The following CD22 variants were observed in gnomAD, a reference collection of about 807,000 sequenced individuals.
The protein encoded by CD22 is B-cell receptor CD22.
A neutral mutation model predicts 94.7 loss-of-function variants in CD22; 51 were observed. That is an observed-to-expected ratio of 0.54 (90% CI 0.43 to 0.68). The LOEUF (loss-of-function observed/expected upper bound fraction) is 0.68. Ranked by LOEUF, CD22 falls within the 30% of genes least tolerant of loss-of-function variation. The pLI is 0.00. For missense variants in CD22, 931 were observed against 1,060.4 expected (o/e 0.88, Z 1.69); for synonymous variants, 424 against 422.5 (o/e 1.00, Z -0.04).
intron 10 of CD22, 43 bp downstream of exon 10, chr19:35,344,968 A>G: frequency 6.2e-7 from 1 of 1,601,646 alleles, no homozygotes; most frequent in East Asian, 2.2e-5. Flanking sequence ...ATCCCTTGGC[A>G]GAGGCCCGTG....
chr19:35,329,455 GGAA>G, intron 1 of CD22: 1 of 363,666 alleles, frequency 2.7e-6, no homozygotes, highest in Non-Finnish European at 5.5e-6. Flanking sequence ...TGCCCAGGAG[GGAA>G]GAAGGAGCCA....
Position 35,332,046 on chromosome 19 carries a change from T to A in CD22, c.6T>A (p.His2Gln). 6.2e-7 allele frequency: 1 copy of A among 1,613,650 alleles called. No individual in the cohort carries two copies. Among genetic ancestry groups the A allele is most frequent in the Non-Finnish European group, 8.5e-7 (1 of 1,179,814 alleles). Residue 2 changes from histidine (H) to glutamine (Q), a missense_variant, in exon 2 of 14, where the codon CAT (histidine) becomes CAA (glutamine). By Grantham distance (24) the His-to-Gln change is conservative. Coordinates refer to ENST00000085219, the MANE Select transcript of CD22 (RefSeq NM_001771.4). ...TTGCACCCAGACACGACACCATGCA[T>A]CTCCTCGGCCCCTGGCTCCTGCTCC... M[H>Q]LLGPWLLLLV...
At position 35,345,073 on chromosome 19, in the gene CD22, C is replaced by T; in HGVS notation, c.2155C>T (p.Gln719Ter). 1 of 1,614,010 alleles carries T rather than the reference C, an allele frequency of 6.2e-7. No homozygotes were observed. Among genetic ancestry groups the T allele is most frequent in the Non-Finnish European group, 8.5e-7 (1 of 1,179,966 alleles). ...QRRWKRTQSQQGLQENSSGQS... is the reference protein window; with the variant it reads ...QRRWKRTQSQ ...CAGTTGGAAGAGGACACAGAGCCAG[C>T]AGGGGCTTCAGGAGAATTCCAGCGG... is the stretch of plus-strand genomic sequence containing the variant. Residue 719 changes from glutamine to a stop codon, truncating the protein, a stop_gained, in exon 11 of 14, where the codon CAG becomes TAG. Transcript: ENST00000085219. LOFTEE classifies it high-confidence loss of function.
In CD22 at chr19:35,341,330, C is replaced by A; in HGVS notation, c.1508-13C>A. ...GGGAGCGGAGAGGTCAGCTTGGGAC[C>A]CTTGCCCTCCAGATGCCCCCCGAGA... On this transcript the variant is annotated splice_polypyrimidine_tract_variant and intron_variant, in intron 7 of 13. Transcript: ENST00000085219. The surrounding 1 kb of genome is among the most constrained non-coding windows in gnomAD (Gnocchi z 4.0). 6.2e-7 allele frequency: 1 copy of A among 1,612,210 alleles called. No individual in the cohort carries two copies. Among genetic ancestry groups the A allele is most frequent in the Non-Finnish European group, 8.5e-7 (1 of 1,178,774 alleles).
At chr19:35,344,550 G>A (rs917369093) in intron 9 of CD22, among the ~76,000 whole-genome samples, 32 of 152,350 alleles carry the variant, frequency 2.1e-4, no homozygotes, top group Non-Finnish European at 3.4e-4. Context: ...CTATACTGCC[G>A]TGAAGAGCTG....
At chr19:35,330,253 T>A (rs2066627267) in intron 1 of CD22, among the ~76,000 whole-genome samples, 1 of 152,150 alleles carries the variant, frequency 6.6e-6, no homozygotes, top group Non-Finnish European at 1.5e-5. Flanking sequence ...GGAGAATCAC[T>A]TGAACCCTGG....
rs760439772 is a variant in CD22 at position 35,344,838 on chromosome 19, A to G, written c.2045A>G (p.Glu682Gly). 5 of 1,611,776 alleles carry G rather than the reference A, an allele frequency of 3.1e-6. No individual in the cohort carries two copies. The South Asian group carries it at 5.5e-5, about 18-fold the overall frequency. ...TCCTTTCTCCACCCAGATAGCCCGG[A>G]GACCATCGGCAGGCGAGTGGCTGTG... ...LSTLTVYYSP[E>G]TIGRRVAVGL... is the part of the protein sequence containing the mutation. The change falls in exon 10 of 14, where the codon GAG becomes GGG. Residue 682 changes from glutamate (E) to glycine (G), a missense_variant. Transcript: ENST00000085219.
rs781182247 is a variant in CD22 at position 35,342,009 on chromosome 19, CCTT to C, written c.2035+46_2035+48del. The C allele has an allele frequency of 2.3e-4, 82 of 351,844 alleles. 4 individuals carry two copies. Among genetic ancestry groups the C allele is most frequent in the East Asian group, 1.9e-3 (24 of 12,354 alleles). 21.8% of individuals were successfully genotyped at this position (351,844 alleles called of 1,614,324 possible). ...CTTGTTCTTCTTGGTGGTGGTCAGT[CCTT>C]CCTTCCTTCCTTCCTTCCTTCCTTC... On this transcript the variant is annotated intron_variant, in intron 9 of 13. Transcript: ENST00000085219.
In CD22 at chr19:35,340,980, G is replaced by T; in HGVS notation, c.1349G>T (p.Ser450Ile). 1 of 1,614,210 alleles carries T rather than the reference G, an allele frequency of 6.2e-7. No individual in the cohort carries two copies. Among genetic ancestry groups the T allele is most frequent in the Non-Finnish European group, 8.5e-7 (1 of 1,180,036 alleles). Residue 450 changes from serine to isoleucine, a missense_variant, in exon 7 of 14, where the codon AGT (serine) becomes ATT (isoleucine). Coordinates refer to ENST00000085219, the MANE Select transcript of CD22 (RefSeq NM_001771.4). ...LSCNYNSSNP[S>I]VTRYEWKPHG... The stretch of plus-strand genomic sequence containing the variant: ...TGTAACTACAATTCCAGTAACCCCA[G>T]TGTTACCCGGTATGAATGGAAACCC...
Position 35,337,438 on chromosome 19 carries a change from A to G in CD22, c.719-317A>G, listed in dbSNP as rs867222867. ...GCCACATGGTAGGACAGGAGGCAGGAGATGGAGCAGGACTCTGGATCCCGA... is the reference window on the plus strand; with the variant it reads ...GCCACATGGTAGGACAGGAGGCAGGGGATGGAGCAGGACTCTGGATCCCGA... On this transcript the variant is annotated intron_variant, in intron 4 of 13. Coordinates refer to ENST00000085219, the MANE Select transcript of CD22 (RefSeq NM_001771.4). This position sits in a 1 kb window ranked among gnomAD's most constrained non-coding sequence, Gnocchi z 4.4. Among the ~76,000 whole-genome samples, 2 of 152,068 alleles carry G rather than the reference A, an allele frequency of 1.3e-5. No individual in the cohort carries two copies. The highest frequency in any genetic ancestry group is 2.4e-5 in the African/African-American group (1 of 41,398).
At chr19:35,336,581 T>G in intron 4 of CD22, 1 of 527,778 alleles carries the variant, frequency 1.9e-6, no homozygotes, top group Non-Finnish European at 3.4e-6. Flanking sequence ...GTTAGGTCTT[T>G]TTGTTCCCCT....
chr19:35,343,049 C>T lies in CD22; in HGVS notation c.2035+1084C>T, dbSNP rs572784317. Among the ~76,000 whole-genome samples, 21 of 151,910 alleles carry T rather than the reference C, an allele frequency of 1.4e-4. No homozygotes were observed. The South Asian group carries it at 4.2e-3, about 30-fold the overall frequency. The stretch of plus-strand genomic sequence containing the variant: ...TCCTGACCTCGTGATCCGCTCGCCT[C>T]GGCCTTCCAAAGTGCTGGGATTACA... On this transcript the variant is annotated intron_variant, in intron 9 of 13. Transcript: ENST00000085219.
Position 35,337,665 on chromosome 19 carries a change from C to A in CD22, c.719-90C>A. On this transcript the variant is annotated intron_variant, in intron 4 of 13. Transcript: ENST00000085219. The surrounding 1 kb of genome is among the most constrained non-coding windows in gnomAD (Gnocchi z 4.4). ...CACCTGGGTGAAGGGACTGGCAGGC[C>A]ATGGCTTTGTCAGAATAAAAGCACT... 1 of 1,170,102 alleles carries A rather than the reference C, an allele frequency of 8.5e-7. No individual in the cohort carries two copies. Among genetic ancestry groups the A allele is most frequent in the Non-Finnish European group, 1.2e-6 (1 of 834,210 alleles). 72.5% of individuals were successfully genotyped at this position (1,170,102 alleles called of 1,614,324 possible).
intron 11 of CD22, 22 bp downstream of exon 11, chr19:35,345,148 T>G (rs2066882645): frequency 1.2e-6 from 2 of 1,608,540 alleles, no homozygotes; most frequent in African/African-American, 2.7e-5. Flanking sequence ...CTGGGCACGA[T>G]GGCTCATGCC....
chr19:35,333,034 G>C (rs1029119476), intron 3 of CD22, 110 bp downstream of exon 3: 1 of 1,172,136 alleles, frequency 8.5e-7, no homozygotes, highest in Non-Finnish European at 1.2e-6. Flanking sequence ...GCAGAGCTCA[G>C]GCAGGGGACG....
rs568457018 is a variant in CD22, at chr19:35,336,611, G to A, written c.718+270G>A. On this transcript the variant is annotated intron_variant, in intron 4 of 13. Coordinates refer to ENST00000085219, the MANE Select transcript of CD22 (RefSeq NM_001771.4). ...TCCCCTCTTGGTGGGGATTTTTTTC[G>A]CATCATTATCTTGTGCCTCATTCAT... 9.0e-4 allele frequency: 436 copies of A among 482,062 alleles called. 1 individual carries two copies. The highest frequency in any genetic ancestry group is 1.5e-3 in the Admixed American group (42 of 27,526). The allele number at this position is 482,062 out of a possible 1,614,324, so 29.9% of individuals were successfully genotyped here. A position where few individuals can be genotyped will look rare whatever the true frequency, so the allele number is the denominator to read the frequency against.
chr19:35,338,147 C>T (rs914714960), intron 5 of CD22, 21 bp from the exon 6 acceptor site: 14 of 1,595,000 alleles, frequency 8.8e-6, no homozygotes, highest in Middle Eastern at 3.4e-4. Flanking sequence ...CCCCTCCACT[C>T]GCCTCTGCCC....
Position 35,345,135 on chromosome 19 carries a change from G to A in CD22, c.2208+9G>A. ...TTGTGAGGAATAAAAAGGTAGGATG[G>A]GGCTGGGCACGATGGCTCATGCCTG... On this transcript the variant is annotated intron_variant, in intron 11 of 13. Transcript: ENST00000085219. The A allele has an allele frequency of 3.1e-6, 5 of 1,613,096 alleles. No individual in the cohort carries two copies. The South Asian group carries it at 3.3e-5, about 11-fold the overall frequency.
intron 9 of CD22, 74 bp downstream of exon 9, chr19:35,342,039 TTC>T (rs2145672595): frequency 1.1e-5 from 12 of 1,113,598 alleles, no homozygotes; most frequent in East Asian, 3.1e-5. Context: ...CCTTCCTTCC[TTC>T]CTTCCTTCCT....
Sources: allele counts gnomAD v4.1 joint callset (sites outside exome capture counted in the v4.1 genomes callset), GRCh38; gene constraint gnomAD v4.1.1; non-coding constraint Gnocchi (gnomAD v3.1); transcripts MANE v1.5; gene names NCBI Gene and HGNC (gene_info 2026-07-23, HGNC 2026-07-21).